Variants in SCMH1 observed in about 807,000 individuals in gnomAD.
SCMH1 encodes the protein polycomb protein SCMH1.
A neutral mutation model predicts 70.8 loss-of-function variants in SCMH1; 37 were observed. The observed-to-expected ratio is 0.52, with a 90% CI of 0.40 to 0.69. The LOEUF is 0.69. Ranked by LOEUF, SCMH1 falls within the 30% of genes least tolerant of loss-of-function variation. The probability of loss-of-function intolerance (pLI) is 0.00; values close to 1 mark genes in which losing one functional copy is unlikely to be tolerated. For synonymous variants in SCMH1, 292 were observed against 307.4 expected (o/e 0.95, Z 0.52); for missense variants, 607 against 827.3 (o/e 0.73, Z 3.27).
chr1:41,232,015 C>T lies in SCMH1; in HGVS notation c.-118+10044G>A, dbSNP rs1336051586. Among the ~76,000 whole-genome samples, 14 of 139,920 alleles carry T rather than the reference C, an allele frequency of 1.0e-4. No individual in the cohort carries two copies. The East Asian group carries it at 2.8e-3, about 28-fold the overall frequency. 91.8% of individuals were successfully genotyped at this position (139,920 alleles called of 152,430 possible). A position where few individuals can be genotyped will look rare whatever the true frequency, so the allele number is the denominator to read the frequency against. On this transcript the variant is annotated intron_variant, in intron 1 of 14. Transcript: ENST00000337495. ...CACCAGCCAGGGTGACAGTGCAAGACTGTCTCAAAAAAAAAAAAAAAAGAA... is the reference window on the plus strand; with the variant it reads ...CACCAGCCAGGGTGACAGTGCAAGATTGTCTCAAAAAAAAAAAAAAAAGAA...
At chr1:41,107,119 C>G (rs948532302) in intron 8 of SCMH1, among the ~76,000 whole-genome samples, 1 of 151,416 alleles carries the variant, frequency 6.6e-6, no homozygotes, top group Admixed American at 6.6e-5. Flanking sequence ...TTAGACATCA[C>G]TTCATTTGGA....
intron 2 of SCMH1, among the ~76,000 whole-genome samples, chr1:41,173,940 T>A (rs766506872): frequency 6.6e-6 from 1 of 151,658 alleles, no homozygotes; most frequent in Non-Finnish European, 1.5e-5. Context: ...TAGTGGTTAC[T>A]AAAGGGAAGG....
intron 8 of SCMH1, among the ~76,000 whole-genome samples, chr1:41,110,928 CCA>C (rs1341300574): frequency 1.3e-5 from 2 of 152,198 alleles, no homozygotes; most frequent in Non-Finnish European, 2.9e-5. Flanking sequence ...TCCAGTTTTT[CCA>C]CATTCTCAGC....
intron 1 of SCMH1, among the ~76,000 whole-genome samples, chr1:41,224,059 C>A (rs951472760): frequency 6.6e-6 from 1 of 152,110 alleles, no homozygotes; most frequent in Non-Finnish European, 1.5e-5. Flanking sequence ...TTATACAGTT[C>A]CAAACACTAC....
chr1:41,209,729 A>G (rs1454102826), intron 1 of SCMH1, among the ~76,000 whole-genome samples: 1 of 152,220 alleles, frequency 6.6e-6, no homozygotes, highest in Non-Finnish European at 1.5e-5. Context: ...AAATAATAAG[A>G]GCTATTTATG....
At chr1:41,051,839 A>T (rs1396687681) in intron 10 of SCMH1, among the ~76,000 whole-genome samples, 2 of 152,182 alleles carry the variant, frequency 1.3e-5, no homozygotes, top group African/African-American at 4.8e-5. Context: ...AGAAAATTAA[A>T]AAAAAATTTA....
chr1:41,215,233 T>C (rs925867650), intron 1 of SCMH1, among the ~76,000 whole-genome samples: 1 of 152,162 alleles, frequency 6.6e-6, no homozygotes, highest in Non-Finnish European at 1.5e-5. Flanking sequence ...AGCTTTCTAA[T>C]TGGTCTCTCT....
rs558023617 is a variant in SCMH1, at chr1:41,102,351, T to C, written c.745+10932A>G. 3.9e-5 allele frequency among the ~76,000 whole-genome samples: 6 copies of C among 152,334 alleles called. No homozygotes were observed. The South Asian group carries it at 1.0e-3, about 26-fold the overall frequency. On this transcript the variant is annotated intron_variant, in intron 8 of 14. Coordinates refer to ENST00000337495, the Ensembl canonical transcript of SCMH1. ...TTAGAGGATATGTTTTTTATTAGCT[T>C]TGCTCAACTTGGCTGGGTTCAGCTA...
rs189578353 is a variant in SCMH1, at chr1:41,217,116, A to G, written c.-118+24943T>C. Among the ~76,000 whole-genome samples, 118 of 152,330 alleles carry G rather than the reference A, an allele frequency of 7.7e-4. No individual in the cohort carries two copies. In the East Asian group the frequency reaches 0.019, roughly 24 times the overall value. On this transcript the variant is annotated intron_variant, in intron 1 of 14. Transcript: ENST00000337495. The stretch of plus-strand genomic sequence containing the variant: ...ATAGAAAAAGTCTAAATTTCCTTGA[A>G]GAGATAGTTGGTAGAAATATGAGCA...
chr1:41,153,968 C>T (rs1042809289), intron 4 of SCMH1, among the ~76,000 whole-genome samples: 1 of 152,174 alleles, frequency 6.6e-6, no homozygotes, highest in Non-Finnish European at 1.5e-5. Context: ...AAATTTTATG[C>T]TTTCTAGGCC....
chr1:41,094,521 T>C (rs1664540283), intron 8 of SCMH1, among the ~76,000 whole-genome samples: 1 of 152,154 alleles, frequency 6.6e-6, no homozygotes. Flanking sequence ...TTTGGTGCAC[T>C]TAAACTTTCA....
intron 4 of SCMH1, among the ~76,000 whole-genome samples, chr1:41,158,208 A>G (rs1033233927): frequency 6.6e-6 from 1 of 152,248 alleles, no homozygotes; most frequent in African/African-American, 2.4e-5. Flanking sequence ...ACAAATATTT[A>G]TAGTGTGTGT....
At chr1:41,185,982 C>G in intron 2 of SCMH1, 139 bp downstream of exon 2, 1 of 825,932 alleles carries the variant, frequency 1.2e-6, no homozygotes, top group Non-Finnish European at 1.7e-6. Context: ...AAAATTCATG[C>G]CAATGACAAA....
intron 8 of SCMH1, among the ~76,000 whole-genome samples, chr1:41,077,959 G>A (rs80122283): frequency 0.056 from 8,579 of 152,042 alleles, 286 homozygotes; most frequent in Non-Finnish European, 0.069. Flanking sequence ...CCAAATAATG[G>A]AACAAACAAA....
At chr1:41,039,133 C>T (rs1343345646) in intron 12 of SCMH1, among the ~76,000 whole-genome samples, 1 of 152,230 alleles carries the variant, frequency 6.6e-6, no homozygotes, top group Non-Finnish European at 1.5e-5. Flanking sequence ...GGTAACCTCA[C>T]TCTTCTAGTT....
chr1:41,194,476 C>T (rs147893862), intron 1 of SCMH1, among the ~76,000 whole-genome samples: 93 of 152,302 alleles, frequency 6.1e-4, no homozygotes, highest in African/African-American at 1.9e-3. Context: ...AATTAGATTT[C>T]ATCAGAGGAA....
chr1:41,078,102 A>G (rs12410124), intron 8 of SCMH1, among the ~76,000 whole-genome samples: 2,857 of 152,264 alleles, frequency 0.019, 89 homozygotes, highest in East Asian at 0.1. Context: ...AAAAAATACA[A>G]TATTAGGAAT....
At chr1:41,137,407 AT>A (rs1202213872) in intron 6 of SCMH1, among the ~76,000 whole-genome samples, 4 of 152,206 alleles carry the variant, frequency 2.6e-5, no homozygotes, top group Non-Finnish European at 5.9e-5. Flanking sequence ...AAGGCAGATC[AT>A]TTATAAGGAT....
rs535270865 is a variant in SCMH1 at position 41,057,256 on chromosome 1, TG to T, written c.1106-8367del. Among the ~76,000 whole-genome samples the T allele has an allele frequency of 2.7e-3, 416 of 152,196 alleles. 2 individuals are homozygous for T. The highest frequency in any genetic ancestry group is 3.5e-3 in the Non-Finnish European group (239 of 68,000). On this transcript the variant is annotated intron_variant, in intron 10 of 14. Transcript: ENST00000337495. Reference sequence around the variant, plus strand: ...CTATTTACCATGTTTTTTTTGTTGTTGTTTTTTTGTTTGTTTGTTTGTTTTT... The same window carrying T: ...CTATTTACCATGTTTTTTTTGTTGTTTTTTTTTGTTTGTTTGTTTGTTTTT...
Sources: gnomAD v4.1 joint callset for allele counts (sites outside exome capture counted in the v4.1 genomes callset) on GRCh38, gnomAD v4.1.1 for gene constraint, MANE v1.5 for transcripts, NCBI Gene and HGNC (gene_info 2026-07-23, HGNC 2026-07-21) for gene names.